Variants in RIC1 observed in about 807,000 individuals in gnomAD.
RIC1 encodes RIC1 partner of RAB6A GEF complex.
A neutral mutation model predicts 169.0 loss-of-function variants in RIC1; 88 were observed. The observed-to-expected ratio is 0.52, with a 90% CI of 0.44 to 0.62. RIC1 has a LOEUF of 0.62. Ranked by LOEUF, RIC1 falls within the 20% of genes least tolerant of loss-of-function variation. The pLI is 0.00. For synonymous variants in RIC1, 790 were observed against 601.5 expected (o/e 1.31, Z -4.59); for missense variants, 1,877 against 1,725.5 (o/e 1.09, Z -1.56).
At chr9:5,696,489 C>T (rs972533030) in intron 3 of RIC1, among the ~76,000 whole-genome samples, 2 of 152,012 alleles carry the variant, frequency 1.3e-5, no homozygotes, top group African/African-American at 4.8e-5. Context: ...ACCTTCTGCC[C>T]TCAACTCTCC....
intron 2 of RIC1, among the ~76,000 whole-genome samples, chr9:5,682,921 C>G (rs1376929049): frequency 1.3e-5 from 2 of 152,160 alleles, no homozygotes; most frequent in Non-Finnish European, 2.9e-5. Flanking sequence ...ATTTCATCTT[C>G]CATCGCTGAT....
intron 6 of RIC1, among the ~76,000 whole-genome samples, chr9:5,721,997 T>C (rs1046859334): frequency 1.3e-5 from 2 of 152,030 alleles, no homozygotes; most frequent in East Asian, 3.9e-4. Context: ...CAAGCGATTC[T>C]CCTGCTTCAG....
At chr9:5,770,713 A>G (rs1438797951) in intron 23 of RIC1, among the ~76,000 whole-genome samples, 1 of 152,180 alleles carries the variant, frequency 6.6e-6, no homozygotes, top group Non-Finnish European at 1.5e-5. Flanking sequence ...TTTCATCAAT[A>G]AAAATTGTGG....
intron 1 of RIC1, among the ~76,000 whole-genome samples, chr9:5,650,516 A>G (rs542486617): frequency 4.5e-4 from 68 of 151,940 alleles, no homozygotes; most frequent in African/African-American, 1.6e-3. Context: ...TAGAGGGGAT[A>G]GGGTTGGTGT....
chr9:5,662,420 T>C (rs986208735), intron 2 of RIC1, among the ~76,000 whole-genome samples: 4 of 152,072 alleles, frequency 2.6e-5, no homozygotes, highest in African/African-American at 9.7e-5. Flanking sequence ...CAGCTCTTCT[T>C]TGTACCTCTG....
intron 17 of RIC1, 146 bp downstream of exon 17, chr9:5,757,597 A>T: frequency 1.3e-6 from 1 of 764,244 alleles, no homozygotes; most frequent in South Asian, 1.9e-5. Flanking sequence ...GTGGCAAATT[A>T]AAAAGACATG....
chr9:5,696,389 C>G (rs1821906480), intron 3 of RIC1, among the ~76,000 whole-genome samples: 1 of 152,026 alleles, frequency 6.6e-6, no homozygotes, highest in Admixed American at 6.5e-5. Flanking sequence ...TTGCTCTATT[C>G]AGTATGACTC....
intron 3 of RIC1, chr9:5,713,354 T>A (rs1410308664): frequency 6.6e-6 from 1 of 152,410 alleles, no homozygotes; most frequent in East Asian, 1.9e-4. Context: ...ATGCCAGGGA[T>A]TTAAAATTTT....
rs1467229346 is a variant in RIC1, at chr9:5,644,824, G to A, written c.145-11759G>A. ...GTCATATGGCAAGTTTAACTTATTG[G>A]TAAAGTGCAAAACTTTGTTCCAAAG... On this transcript the variant is annotated intron_variant, in intron 1 of 25. Coordinates refer to ENST00000414202, the MANE Select transcript of RIC1 (RefSeq NM_020829.4). Among the ~76,000 whole-genome samples, 5 of 150,660 alleles carry A rather than the reference G, an allele frequency of 3.3e-5. No homozygotes were observed. The South Asian group carries it at 6.4e-4, about 19-fold the overall frequency.
chr9:5,642,590 C>A (rs917196619), intron 1 of RIC1, among the ~76,000 whole-genome samples: 2 of 144,742 alleles, frequency 1.4e-5, no homozygotes, highest in African/African-American at 2.8e-5. Context: ...TGTGGCTAAG[C>A]AGGCACTCAA....
intron 8 of RIC1, among the ~76,000 whole-genome samples, chr9:5,740,843 G>C (rs951558822): frequency 7.2e-5 from 11 of 152,068 alleles, no homozygotes; most frequent in African/African-American, 2.2e-4. Flanking sequence ...ATTCAGTCAA[G>C]TTGACACTCA....
At chr9:5,629,621 G>A (rs1817618646) in intron 1 of RIC1, among the ~76,000 whole-genome samples, 168 bp downstream of exon 1, 1 of 152,152 alleles carries the variant, frequency 6.6e-6, no homozygotes, top group South Asian at 2.1e-4. Context: ...GTACCCGCCG[G>A]CTGCAGGCAC....
downstream of RIC1, chr9:5,776,674 T>C (rs1397997639): frequency 6.6e-6 from 1 of 152,012 alleles, no homozygotes; most frequent in Non-Finnish European, 1.5e-5. Context: ...ATTTAAAATA[T>C]TTATTTATAT....
intron 2 of RIC1, among the ~76,000 whole-genome samples, chr9:5,683,832 G>A (rs1371660892): frequency 6.6e-5 from 10 of 152,196 alleles, no homozygotes; most frequent in African/African-American, 2.4e-4. Flanking sequence ...ACCTACTCAA[G>A]CCTCGGGAAT....
intron 1 of RIC1, among the ~76,000 whole-genome samples, chr9:5,652,225 T>C (rs1818845379): frequency 6.6e-6 from 1 of 152,224 alleles, no homozygotes; most frequent in African/African-American, 2.4e-5. Flanking sequence ...ATTTTAGGCT[T>C]GTGTTTTCCA....
At chr9:5,720,852 G>C (rs1418321051) in intron 6 of RIC1, 102 bp downstream of exon 6, 2 of 1,093,794 alleles carry the variant, frequency 1.8e-6, no homozygotes, top group Non-Finnish European at 1.3e-6. Flanking sequence ...AAGATTTTAA[G>C]GGTTGTTAAT....
intron 2 of RIC1, among the ~76,000 whole-genome samples, chr9:5,660,429 C>G (rs758667261): frequency 4.6e-5 from 7 of 152,190 alleles, no homozygotes; most frequent in Non-Finnish European, 8.8e-5. Context: ...GAATTGCCTA[C>G]TGTCTTCCAT....
rs148266264 is a variant in RIC1 at position 5,739,944 on chromosome 9, C to G, written c.901+1406C>G. Among the ~76,000 whole-genome samples, 85 of 152,286 alleles carry G rather than the reference C, an allele frequency of 5.6e-4. 4 individuals carry two copies. The highest frequency in any genetic ancestry group is 4.6e-3 in the South Asian group (22 of 4,828). ...CACCTTTTGTTGCAGATCAGCCACTCAAATGATAAGAGTTTGTCTCTGTGT... is the reference window on the plus strand; with the variant it reads ...CACCTTTTGTTGCAGATCAGCCACTGAAATGATAAGAGTTTGTCTCTGTGT... On this transcript the variant is annotated intron_variant, in intron 8 of 25. Coordinates refer to ENST00000414202, the MANE Select transcript of RIC1 (RefSeq NM_020829.4).
At chr9:5,743,180 T>C (rs958915274) in intron 9 of RIC1, among the ~76,000 whole-genome samples, 167 bp downstream of exon 9, 1 of 152,220 alleles carries the variant, frequency 6.6e-6, no homozygotes, top group East Asian at 1.9e-4. Context: ...GAACATTCAT[T>C]TTTTAAAAAA....
Sources: gnomAD v4.1 joint callset for allele counts (sites outside exome capture counted in the v4.1 genomes callset) on GRCh38, gnomAD v4.1.1 for gene constraint, MANE v1.5 for transcripts, NCBI Gene and HGNC (gene_info 2026-07-23, HGNC 2026-07-21) for gene names.